The following OPCML variants were observed in gnomAD, a reference collection of about 807,000 sequenced individuals.
The protein encoded by OPCML is opioid binding protein/cell adhesion molecule like.
Under a neutral mutation model 37.8 loss-of-function variants are expected in OPCML, and 13 were observed. The observed-to-expected ratio is 0.34, with a 90% CI of 0.22 to 0.55. The LOEUF (loss-of-function observed/expected upper bound fraction) is 0.55. OPCML is among the 20% of genes least tolerant of loss of function. The pLI is 0.91. For synonymous variants in OPCML, 176 were observed against 168.8 expected, an observed-to-expected ratio of 1.04 and a Z score of -0.33; for missense variants, 341 against 435.6, an observed-to-expected ratio of 0.78 and a Z score of 1.93.
intron 1 of OPCML, among the ~76,000 whole-genome samples, chr11:133,478,234 G>T (rs1000489730): frequency 6.6e-6 from 1 of 152,260 alleles, no homozygotes; most frequent in Non-Finnish European, 1.5e-5. Context: ...CTCTGTTGTG[G>T]CCTCCTGCCT....
chr11:133,242,192 T>C (rs905647325), intron 1 of OPCML, among the ~76,000 whole-genome samples: 2 of 152,140 alleles, frequency 1.3e-5, no homozygotes, highest in African/African-American at 2.4e-5. Context: ...ACACATTTTG[T>C]ACATGAGTCA....
chr11:133,213,126 T>G (rs1490778911), intron 1 of OPCML, among the ~76,000 whole-genome samples: 1 of 152,112 alleles, frequency 6.6e-6, no homozygotes, highest in Non-Finnish European at 1.5e-5. Flanking sequence ...TCTCTCAAGC[T>G]GGGTTCCTTT....
rs573430147 is a variant in OPCML at position 133,382,583 on chromosome 11, G to A, written c.61+149681C>T. ...GCCCCGATTTATTGCTCTTGGCAGC[G>A]TCTAGGCTGGGCATTTCTATAAACC... On this transcript the variant is annotated intron_variant, in intron 1 of 7. Transcript: ENST00000524381. 6.6e-5 allele frequency among the ~76,000 whole-genome samples: 10 copies of A among 152,308 alleles called. No homozygotes were observed. The South Asian group carries it at 1.0e-3, about 16-fold the overall frequency.
chr11:132,771,263 AT>A (rs1195965884), intron 2 of OPCML, among the ~76,000 whole-genome samples: 2 of 152,172 alleles, frequency 1.3e-5, no homozygotes, highest in Non-Finnish European at 2.9e-5. Context: ...TATACAATGC[AT>A]TTTTTCCCAT....
chr11:133,031,256 T>C (rs758153260), intron 1 of OPCML, among the ~76,000 whole-genome samples: 2 of 149,918 alleles, frequency 1.3e-5, no homozygotes, highest in Admixed American at 6.6e-5. Flanking sequence ...GGTGGATGGG[T>C]AGACAGGTTA....
intron 2 of OPCML, among the ~76,000 whole-genome samples, chr11:132,882,463 C>G (rs185876198): frequency 3.3e-5 from 5 of 152,154 alleles, no homozygotes; most frequent in Non-Finnish European, 7.3e-5. Flanking sequence ...TCATTTGTGT[C>G]CCATCCTCTC....
chr11:132,896,042 A>AC (rs1943828618), intron 2 of OPCML, among the ~76,000 whole-genome samples: 2 of 152,178 alleles, frequency 1.3e-5, no homozygotes, highest in Admixed American at 1.3e-4. Flanking sequence ...ACTTATATGG[A>AC]CCCTCAGAGC....
At chr11:132,991,485 C>T (rs1413559985) in intron 1 of OPCML, among the ~76,000 whole-genome samples, 1 of 152,166 alleles carries the variant, frequency 6.6e-6, no homozygotes, top group Non-Finnish European at 1.5e-5. Flanking sequence ...ATAAATGGTG[C>T]TTATCATTAA....
intron 2 of OPCML, among the ~76,000 whole-genome samples, chr11:132,716,661 G>C (rs990242168): frequency 3.3e-5 from 5 of 152,152 alleles, no homozygotes; most frequent in African/African-American, 1.2e-4. Context: ...TTAATACATA[G>C]TTTTTACAAC....
In OPCML at chr11:132,588,512, AC is replaced by A. The variant is rs540270795; in HGVS notation, c.380-59327del. ...AAACAAGACCATTCCAAAACTTTGAACAGCTGTTCCTAGATGACTGCAATTC... is the reference window on the plus strand; with the variant it reads ...AAACAAGACCATTCCAAAACTTTGAAAGCTGTTCCTAGATGACTGCAATTC... On this transcript the variant is annotated intron_variant, in intron 3 of 7. Transcript: ENST00000524381. Among the ~76,000 whole-genome samples the A allele has an allele frequency of 3.2e-3, 480 of 152,286 alleles. 2 individuals carry two copies. The highest frequency in any genetic ancestry group is 5.4e-3 in the Non-Finnish European group (364 of 68,028).
chr11:132,688,321 G>T (rs556547476), intron 2 of OPCML, among the ~76,000 whole-genome samples: 1 of 152,044 alleles, frequency 6.6e-6, no homozygotes, highest in Non-Finnish European at 1.5e-5. Context: ...TCTTTGAACC[G>T]GCAGTAAATG....
chr11:132,821,445 C>A (rs2136249186), intron 2 of OPCML, among the ~76,000 whole-genome samples: 1 of 152,316 alleles, frequency 6.6e-6, no homozygotes, highest in South Asian at 2.1e-4. Context: ...GCTCCATGTG[C>A]CAGGCAAAGC....
intron 1 of OPCML, among the ~76,000 whole-genome samples, chr11:133,249,683 C>T (rs1941062582): frequency 6.6e-6 from 1 of 152,126 alleles, no homozygotes; most frequent in African/African-American, 2.4e-5. Flanking sequence ...ACTTCATCTG[C>T]CAGAGCTGCC....
intron 4 of OPCML, among the ~76,000 whole-genome samples, chr11:132,461,320 G>A (rs898413709): frequency 2.8e-4 from 42 of 152,036 alleles, no homozygotes; most frequent in Admixed American, 2.0e-3. Context: ...ACCACCAATG[G>A]CCAATTATGT....
At chr11:132,437,458 A>C in intron 4 of OPCML, 99 bp from the exon 5 acceptor site, 1 of 1,536,758 alleles carries the variant, frequency 6.5e-7, no homozygotes, top group Non-Finnish European at 8.7e-7. Flanking sequence ...GAAGAGAAAA[A>C]GCCATCAGAA....
At chr11:132,942,803 C>T (rs1232574071) in intron 2 of OPCML, 123 bp downstream of exon 2, 1 of 1,306,906 alleles carries the variant, frequency 7.7e-7, no homozygotes, top group Non-Finnish European at 1.1e-6. Context: ...GCGGGCGCCC[C>T]TCGGGCCTGC....
intron 1 of OPCML, among the ~76,000 whole-genome samples, chr11:132,979,447 G>A (rs1034859779): frequency 6.6e-6 from 1 of 152,148 alleles, no homozygotes; most frequent in African/African-American, 2.4e-5. Flanking sequence ...CATATGAAGT[G>A]GCAGCCACAT....
intron 3 of OPCML, among the ~76,000 whole-genome samples, chr11:132,570,820 G>GAGAGAGAGAGAGAGAGAGA (rs1245612388): frequency 1.7e-4 from 21 of 123,708 alleles, no homozygotes; most frequent in Admixed American, 3.3e-4. Context: ...GAGAGAGAGA[G>GAGAGAGAGAGAGAGAGAGA]GATATATACT....
chr11:133,085,846 T>G (rs766151500), intron 1 of OPCML, among the ~76,000 whole-genome samples: 16 of 152,216 alleles, frequency 1.1e-4, no homozygotes, highest in Non-Finnish European at 2.1e-4. Context: ...ATTATAAAAG[T>G]AGAAGGCAAT....
Sources: gnomAD v4.1 joint callset for allele counts (sites outside exome capture counted in the v4.1 genomes callset) on GRCh38, gnomAD v4.1.1 for gene constraint, MANE v1.5 for transcripts, NCBI Gene and HGNC (gene_info 2026-07-23, HGNC 2026-07-21) for gene names.